The following ME1 variants were observed in gnomAD, a reference collection of about 807,000 sequenced individuals.
ME1 encodes NADP-dependent malic enzyme.
A neutral mutation model predicts 66.4 loss-of-function variants in ME1; 74 were observed. The ratio of observed to expected loss-of-function variants is 1.11; its 90% confidence interval spans 0.92 to 1.35. The LOEUF (loss-of-function observed/expected upper bound fraction) is 1.35, where lower values mean the gene tolerates loss of function less well. ME1 is among the 40% of genes most tolerant of loss of function. The probability of loss-of-function intolerance (pLI) is 0.00; values close to 1 mark genes in which losing one functional copy is unlikely to be tolerated. For synonymous variants in ME1, 251 were observed against 235.6 expected, an observed-to-expected ratio of 1.07 and a Z score of -0.60; for missense variants, 750 against 694.1, an observed-to-expected ratio of 1.08 and a Z score of -0.90.
intron 5 of ME1, among the ~76,000 whole-genome samples, chr6:83,344,195 A>C (rs1020211745): frequency 1.3e-5 from 2 of 150,640 alleles, no homozygotes; most frequent in African/African-American, 4.9e-5. Flanking sequence ...CTGAGGCAGG[A>C]GGACCACTTG....
chr6:83,283,210 A>G (rs1366354875), intron 6 of ME1, among the ~76,000 whole-genome samples: 1 of 127,032 alleles, frequency 7.9e-6, no homozygotes, highest in East Asian at 2.2e-4. Context: ...CCTGGGCGAC[A>G]GAGCAAGACT....
chr6:83,226,622 A>C (rs955434529), intron 11 of ME1, among the ~76,000 whole-genome samples: 31 of 152,196 alleles, frequency 2.0e-4, no homozygotes, highest in Non-Finnish European at 2.9e-5. Context: ...ATATATGATT[A>C]AAATAGAGCC....
At position 83,400,509 on chromosome 6, in the gene ME1, T is replaced by C. The variant is rs148760053; in HGVS notation, c.213-1993A>G. On this transcript the variant is annotated intron_variant, in intron 2 of 13. Coordinates refer to ENST00000369705, the MANE Select transcript of ME1 (RefSeq NM_002395.6). Reference sequence around the variant, plus strand: ...AACATACTCCTCTTCTCTGAAAGCTTTCTAACACTCATGTGAAATACATGA... The same window carrying C: ...AACATACTCCTCTTCTCTGAAAGCTCTCTAACACTCATGTGAAATACATGA... Among the ~76,000 whole-genome samples the C allele has an allele frequency of 5.2e-4, 79 of 152,294 alleles. 1 individual carries two copies. The highest frequency in any genetic ancestry group is 1.8e-3 in the African/African-American group (74 of 41,550).
chr6:83,270,150 A>G (rs1454247180), intron 6 of ME1, among the ~76,000 whole-genome samples: 1 of 152,158 alleles, frequency 6.6e-6, no homozygotes, highest in Admixed American at 6.5e-5. Context: ...AAGTAAAATG[A>G]ATGATATTAC....
At position 83,231,576 on chromosome 6, in the gene ME1, C is replaced by T. The variant is rs572044201; in HGVS notation, c.1027-2645G>A. ...GGAATGTGACAACCTTTTCTAAATCCGGTAATACTGAGGCAACTACCTGTA... is the reference window on the plus strand; with the variant it reads ...GGAATGTGACAACCTTTTCTAAATCTGGTAATACTGAGGCAACTACCTGTA... On this transcript the variant is annotated intron_variant, in intron 9 of 13. Transcript: ENST00000369705. 1.1e-4 allele frequency among the ~76,000 whole-genome samples: 16 copies of T among 152,286 alleles called. No individual in the cohort carries two copies. The South Asian group carries it at 2.3e-3, about 22-fold the overall frequency.
At chr6:83,409,234 T>G (rs1258238893) in intron 1 of ME1, among the ~76,000 whole-genome samples, 1 of 152,236 alleles carries the variant, frequency 6.6e-6, no homozygotes, top group Non-Finnish European at 1.5e-5. Context: ...TATTCCGTTA[T>G]GGCAGCCTGA....
chr6:83,414,455 T>A (rs1770120994), intron 1 of ME1, among the ~76,000 whole-genome samples: 2 of 152,128 alleles, frequency 1.3e-5, no homozygotes, highest in African/African-American at 2.4e-5. Flanking sequence ...ACAATATATC[T>A]AAAATATATT....
intron 3 of ME1, among the ~76,000 whole-genome samples, chr6:83,382,139 T>C (rs977600409): frequency 8.6e-5 from 13 of 152,044 alleles, no homozygotes; most frequent in Non-Finnish European, 1.6e-4. Flanking sequence ...TGAAAGGAAA[T>C]CCCCTGTTAT....
At chr6:83,235,803 T>C (rs562805733) in intron 9 of ME1, among the ~76,000 whole-genome samples, 44 of 152,148 alleles carry the variant, frequency 2.9e-4, no homozygotes, top group Non-Finnish European at 5.1e-4. Context: ...AAGAAATCCA[T>C]ACTGAAAGCC....
intron 7 of ME1, among the ~76,000 whole-genome samples, chr6:83,239,839 T>C (rs1021318003): frequency 6.6e-6 from 1 of 152,094 alleles, no homozygotes; most frequent in Admixed American, 6.5e-5. Flanking sequence ...CTTACTACTA[T>C]TCTTGAAAAC....
At chr6:83,385,934 C>T (rs1769495843) in intron 3 of ME1, among the ~76,000 whole-genome samples, 2 of 151,612 alleles carry the variant, frequency 1.3e-5, no homozygotes, top group South Asian at 4.2e-4. Context: ...AAATAAAAAT[C>T]CACTTTTAAT....
chr6:83,221,020 G>A (rs920969277), intron 12 of ME1, among the ~76,000 whole-genome samples: 2 of 152,042 alleles, frequency 1.3e-5, no homozygotes, highest in South Asian at 2.1e-4. Flanking sequence ...TTAGCTGGGC[G>A]TATTGGCATT....
intron 3 of ME1, among the ~76,000 whole-genome samples, chr6:83,376,800 C>T (rs1769299462): frequency 1.6e-5 from 1 of 61,978 alleles, no homozygotes; most frequent in Non-Finnish European, 3.2e-5. Flanking sequence ...CAGACCCTGT[C>T]TCACAAAAAA....
rs564777342 is a variant in ME1, at chr6:83,257,036, C to T, written c.705-3298G>A. On this transcript the variant is annotated intron_variant, in intron 6 of 13. Coordinates refer to ENST00000369705, the MANE Select transcript of ME1 (RefSeq NM_002395.6). ...GAGGGGAACATCATCACACCGGGGC[C>T]TGTTTGGGGGTGTGGGGCTAGGGGA... Among the ~76,000 whole-genome samples the T allele has an allele frequency of 5.3e-5, 8 of 151,508 alleles. No homozygotes were observed. The East Asian group carries it at 1.4e-3, about 26-fold the overall frequency.
intron 3 of ME1, among the ~76,000 whole-genome samples, chr6:83,375,607 C>G (rs1769273480): frequency 6.6e-6 from 1 of 152,152 alleles, no homozygotes; most frequent in African/African-American, 2.4e-5. Context: ...CCTGATTGCC[C>G]TGGCCAGAAC....
At position 83,223,050 on chromosome 6, in the gene ME1, T is replaced by A. The variant is rs558823317; in HGVS notation, c.1449+710A>T. On this transcript the variant is annotated intron_variant, in intron 12 of 13. Transcript: ENST00000369705. ...CCCTGAATAATAAACATGTCCACTA[T>A]ACCATATCAGACTTTCACTTTAAAC... is the stretch of plus-strand genomic sequence containing the variant. Among the ~76,000 whole-genome samples the A allele has an allele frequency of 3.3e-5, 5 of 152,362 alleles. No individual in the cohort carries two copies. The South Asian group carries it at 1.0e-3, about 32-fold the overall frequency.
intron 13 of ME1, among the ~76,000 whole-genome samples, chr6:83,213,348 C>T (rs1194040996): frequency 1.3e-5 from 2 of 149,908 alleles, no homozygotes; most frequent in Admixed American, 6.7e-5. Flanking sequence ...CACTTGAACC[C>T]GGGAGGCAGA....
At chr6:83,230,917 C>T (rs1483355240) in intron 9 of ME1, among the ~76,000 whole-genome samples, 3 of 151,754 alleles carry the variant, frequency 2.0e-5, no homozygotes, top group South Asian at 2.1e-4. Flanking sequence ...TGGGCGACAG[C>T]GAGACTCTGT....
At chr6:83,366,412 T>C (rs780939274) in intron 3 of ME1, among the ~76,000 whole-genome samples, 42 of 152,248 alleles carry the variant, frequency 2.8e-4, no homozygotes, top group Non-Finnish European at 4.6e-4. Context: ...ATTTTTCACT[T>C]TCTTATATGT....
Sources: gnomAD v4.1 joint callset for allele counts (sites outside exome capture counted in the v4.1 genomes callset) on GRCh38, gnomAD v4.1.1 for gene constraint, MANE v1.5 for transcripts, NCBI Gene and HGNC (gene_info 2026-07-23, HGNC 2026-07-21) for gene names.